DLGAP2: variants seen among roughly 807,000 people sequenced by gnomAD.
The protein encoded by DLGAP2 is disks large-associated protein 2.
A neutral mutation model predicts 100.3 loss-of-function variants in DLGAP2; 26 were observed. The ratio of observed to expected loss-of-function variants is 0.26; its 90% CI spans 0.19 to 0.36. The LOEUF is 0.36. DLGAP2 is among the 10% of genes least tolerant of loss of function. DLGAP2 has a pLI of 1.00. For missense variants in DLGAP2, 1,858 were observed against 1,453.2 expected, an observed-to-expected ratio of 1.28 and a Z score of -4.53; for synonymous variants, 886 against 630.1, an observed-to-expected ratio of 1.41 and a Z score of -6.08.
intron 2 of DLGAP2, among the ~76,000 whole-genome samples, chr8:1,199,187 G>T (rs997462414): frequency 2.0e-5 from 3 of 152,326 alleles, no homozygotes; most frequent in African/African-American, 7.2e-5. Context: ...GGGTATTGAT[G>T]AATAGTGTAG....
At chr8:1,409,801 C>T (rs551926972) in intron 3 of DLGAP2, among the ~76,000 whole-genome samples, 1 of 152,196 alleles carries the variant, frequency 6.6e-6, no homozygotes, top group Non-Finnish European at 1.5e-5. Flanking sequence ...TCTTCTCCTG[C>T]CCTCCACCAG....
At chr8:1,431,936 G>A (rs1156271840) in intron 3 of DLGAP2, among the ~76,000 whole-genome samples, 1 of 149,842 alleles carries the variant, frequency 6.7e-6, no homozygotes, top group Non-Finnish European at 1.5e-5. Context: ...CCGGCACCCA[G>A]CACCCCATGC....
At chr8:1,552,785 C>G (rs1325308019) in intron 5 of DLGAP2, among the ~76,000 whole-genome samples, 1 of 152,134 alleles carries the variant, frequency 6.6e-6, no homozygotes, top group Non-Finnish European at 1.5e-5. Context: ...TCATTTTCAC[C>G]CTTGGTTTGT....
intron 2 of DLGAP2, among the ~76,000 whole-genome samples, chr8:980,112 G>A (rs981585341): frequency 2.0e-5 from 3 of 152,242 alleles, no homozygotes; most frequent in Non-Finnish European, 4.4e-5. Context: ...ACTCAGAGCT[G>A]GGATTCCGGG....
At chr8:1,438,906 C>T (rs1487067777) in intron 3 of DLGAP2, among the ~76,000 whole-genome samples, 1 of 151,988 alleles carries the variant, frequency 6.6e-6, no homozygotes, top group East Asian at 1.9e-4. Flanking sequence ...ATTTTTTTTA[C>T]TAGAAAAAAG....
rs566969316 is a variant in DLGAP2 at position 1,071,728 on chromosome 8, A to G, written c.73+163762A>G. Among the ~76,000 whole-genome samples the G allele has an allele frequency of 2.0e-4, 31 of 152,282 alleles. No homozygotes were observed. The East Asian group carries it at 5.8e-3, about 28-fold the overall frequency. ...AATACTGGCTCCAAGGATGTGTGCA[A>G]TTTTGATTTATTTTCCTAATATGTG... On this transcript the variant is annotated intron_variant, in intron 2 of 14. Transcript: ENST00000637795.
At chr8:1,271,463 G>C (rs1799581802) in intron 3 of DLGAP2, among the ~76,000 whole-genome samples, 1 of 152,120 alleles carries the variant, frequency 6.6e-6, no homozygotes, top group Non-Finnish European at 1.5e-5. Flanking sequence ...TTCACTTCAT[G>C]TGTCTTGCCC....
chr8:990,374 ACCC>A, intron 2 of DLGAP2, among the ~76,000 whole-genome samples: 1 of 66,466 alleles, frequency 1.5e-5, no homozygotes, highest in African/African-American at 6.3e-5. Flanking sequence ...GACCCCCTGC[ACCC>A]CCATACTCGG....
chr8:1,654,947 AGTTCTCGCCGT>A (rs1798250152), intron 8 of DLGAP2, among the ~76,000 whole-genome samples: 2 of 152,238 alleles, frequency 1.3e-5, no homozygotes, highest in Non-Finnish European at 2.9e-5. Flanking sequence ...AGAAAATACA[AGTTCTCGCCGT>A]GTGATGTGAT....
chr8:1,316,729 G>A (rs929313027), intron 3 of DLGAP2, among the ~76,000 whole-genome samples: 2 of 135,798 alleles, frequency 1.5e-5, no homozygotes, highest in African/African-American at 2.9e-5. Context: ...GTCTACACTC[G>A]AGAAACTCGG....
At chr8:1,162,994 A>T (rs1452641344) in intron 2 of DLGAP2, among the ~76,000 whole-genome samples, 1 of 152,162 alleles carries the variant, frequency 6.6e-6, no homozygotes, top group African/African-American at 2.4e-5. Context: ...CCCTCAAGGA[A>T]TCCCATCCAC....
At chr8:1,373,319 C>T (rs1446573697) in intron 3 of DLGAP2, among the ~76,000 whole-genome samples, 1 of 151,822 alleles carries the variant, frequency 6.6e-6, no homozygotes, top group African/African-American at 2.4e-5. Flanking sequence ...CGGCAGCTGA[C>T]GGGCGGGCCC....
chr8:1,598,871 T>G (rs976273263), intron 6 of DLGAP2, among the ~76,000 whole-genome samples: 1 of 152,210 alleles, frequency 6.6e-6, no homozygotes, highest in Admixed American at 6.5e-5. Flanking sequence ...TCTCCTTCAG[T>G]TCTTCTCTAA....
intron 3 of DLGAP2, among the ~76,000 whole-genome samples, chr8:1,304,090 C>T (rs893532496): frequency 1.3e-5 from 2 of 152,224 alleles, no homozygotes; most frequent in African/African-American, 4.8e-5. Context: ...AGGGGTTTTA[C>T]TGCATTCTTC....
chr8:1,073,437 C>T (rs757674106), intron 2 of DLGAP2, among the ~76,000 whole-genome samples: 14 of 151,786 alleles, frequency 9.2e-5, no homozygotes, highest in Non-Finnish European at 1.8e-4. Flanking sequence ...TTTGTATTAG[C>T]CTTGGAAATA....
intron 6 of DLGAP2, among the ~76,000 whole-genome samples, chr8:1,592,101 A>G: frequency 6.6e-6 from 1 of 152,036 alleles, no homozygotes; most frequent in East Asian, 1.9e-4. Context: ...CCAGACACAC[A>G]AACAGCTGCG....
At chr8:997,310 C>G (rs1800808885) in intron 2 of DLGAP2, among the ~76,000 whole-genome samples, 1 of 152,130 alleles carries the variant, frequency 6.6e-6, no homozygotes, top group South Asian at 2.1e-4. Context: ...ATATTACATT[C>G]AAAAATGCTA....
At chr8:1,107,051 A>C (rs1290159914) in intron 2 of DLGAP2, among the ~76,000 whole-genome samples, 1 of 152,180 alleles carries the variant, frequency 6.6e-6, no homozygotes, top group Non-Finnish European at 1.5e-5. Flanking sequence ...GAGTGTACTG[A>C]CAATGCATTT....
At chr8:974,834 A>G (rs1361315898) in intron 2 of DLGAP2, among the ~76,000 whole-genome samples, 1 of 152,184 alleles carries the variant, frequency 6.6e-6, no homozygotes, top group Non-Finnish European at 1.5e-5. Flanking sequence ...CTTCTTCTTT[A>G]AAAAACTAGA....
Sources: allele counts gnomAD v4.1 joint callset (sites outside exome capture counted in the v4.1 genomes callset), GRCh38; gene constraint gnomAD v4.1.1; transcripts MANE v1.5; gene names NCBI Gene and HGNC (gene_info 2026-07-23, HGNC 2026-07-21).